WBP2: variants seen among roughly 807,000 people sequenced by gnomAD.
WBP2 encodes the protein WW domain binding protein 2, also known as WW domain-binding protein 2.
WBP2 carries 23 observed loss-of-function variants against 33.0 expected under a neutral mutation model. That is an observed-to-expected ratio of 0.70 (90% CI 0.50 to 0.99). The LOEUF is 0.99. Among genes scored for constraint, WBP2 ranks in the 50% least tolerant of loss-of-function variants. The pLI, the probability that WBP2 is intolerant of heterozygous loss-of-function variation, is 0.00. For synonymous variants in WBP2, 153 were observed against 133.5 expected, an observed-to-expected ratio of 1.15 and a Z score of -1.01; for missense variants, 353 against 358.0, an observed-to-expected ratio of 0.99 and a Z score of 0.11.
In WBP2 at chr17:75,847,223, ACCAG is replaced by A; in HGVS notation, c.656-243_656-240del. On this transcript the variant is annotated intron_variant, in intron 6 of 7. Coordinates refer to ENST00000254806, the MANE Select transcript of WBP2 (RefSeq NM_012478.4). Reference sequence around the variant, plus strand: ...AATGCCCCAGGTGCCACTGTGACCGACCAGCTGAGTGTAGATGAGAGGATCGAGA... The same window carrying A: ...AATGCCCCAGGTGCCACTGTGACCGACTGAGTGTAGATGAGAGGATCGAGA... The A allele has an allele frequency of 4.4e-6, 3 of 679,684 alleles. No individual in the cohort carries two copies. In the Admixed American group the frequency reaches 8.1e-5, roughly 18 times the overall value. 42.1% of individuals were successfully genotyped at this position (679,684 alleles called of 1,614,324 possible).
intron 1 of WBP2, chr17:75,852,736 T>C: frequency 3.1e-6 from 3 of 968,996 alleles, no homozygotes; most frequent in Non-Finnish European, 3.7e-6. Flanking sequence ...ATTACAGGCG[T>C]GAGCCACTGC....
chr17:75,855,973 A>C (rs2065056378), upstream of WBP2, among the ~76,000 whole-genome samples: 1 of 152,018 alleles, frequency 6.6e-6, no homozygotes, highest in Non-Finnish European at 1.5e-5. Context: ...CCCTCATGGG[A>C]AGGGGAGGCC....
chr17:75,852,659 G>A (rs1043208580), intron 1 of WBP2: 1 of 304,546 alleles, frequency 3.3e-6, no homozygotes, highest in Non-Finnish European at 4.8e-6. Context: ...GTTTCACCGT[G>A]TTAGCCAGGA....
intron 1 of WBP2, among the ~76,000 whole-genome samples, chr17:75,853,121 AC>A (rs1359690681): frequency 6.6e-6 from 1 of 152,130 alleles, no homozygotes; most frequent in Non-Finnish European, 1.5e-5. Context: ...ATCTCAGCTC[AC>A]TGCAACCTCC....
chr17:75,846,779 C>T lies in WBP2; in HGVS notation c.741G>A (p.Pro247=), dbSNP rs199518415. ...CCGGTGGGTAGTAGGGAGGTGGCGG[C>T]GGCTGGCTCTAAAGAAGGGAGAAAG... ...PHNVYMPTSQ[P]PPPPYYPPED... is the part of the protein sequence containing the mutation. Residue 247 remains proline (P), a synonymous_variant, in exon 8 of 8, where the codon CCG becomes CCA. Coordinates refer to ENST00000254806, the MANE Select transcript of WBP2 (RefSeq NM_012478.4). This position sits in a 1 kb window ranked among gnomAD's most constrained non-coding sequence, Gnocchi z 4.8. 1.4e-5 allele frequency: 22 copies of T among 1,552,004 alleles called. No individual in the cohort carries two copies. Among genetic ancestry groups the T allele is most frequent in the East Asian group, 2.3e-5 (1 of 43,022 alleles).
Position 75,846,732 on chromosome 17 carries a change from G to T in WBP2, c.*2C>A. 1 of 1,521,354 alleles carries T rather than the reference G, an allele frequency of 6.6e-7. No homozygotes were observed. The allele number at this position is 1,521,354 out of a possible 1,614,324, so 94.2% of individuals were successfully genotyped here. On this transcript the variant is annotated 3_prime_UTR_variant, in exon 8 of 8. Transcript: ENST00000254806. This position sits in a 1 kb window ranked among gnomAD's most constrained non-coding sequence, Gnocchi z 4.8. ...GGGTGGGAGGCAGGGAGGCAGGAGGGCCTACTGGGTCTTCTTATCTTCCGG... is the reference window on the plus strand; with the variant it reads ...GGGTGGGAGGCAGGGAGGCAGGAGGTCCTACTGGGTCTTCTTATCTTCCGG...
chr17:75,855,764 G>A (rs982688618), upstream of WBP2, among the ~76,000 whole-genome samples: 2 of 152,266 alleles, frequency 1.3e-5, no homozygotes, highest in African/African-American at 4.8e-5. Flanking sequence ...TGGACATGGC[G>A]TGGGAGCGCC....
In WBP2 at chr17:75,855,314, G is replaced by T. The variant is rs200783397; in HGVS notation, c.-17C>A. On this transcript the variant is annotated 5_prime_UTR_variant, in exon 1 of 8. Transcript: ENST00000254806. Reference sequence around the variant, plus strand: ...GAGCGCCATAGTCTCTCCAACAGGGGTCCCGAGACTCAAAACGCAATGAGC... The same window carrying T: ...GAGCGCCATAGTCTCTCCAACAGGGTTCCCGAGACTCAAAACGCAATGAGC... The T allele has an allele frequency of 4.3e-6, 7 of 1,611,062 alleles. No homozygotes were observed. The South Asian group carries it at 4.4e-5, about 10-fold the overall frequency.
intron 1 of WBP2, 80 bp downstream of exon 1, chr17:75,855,159 T>TCCC: frequency 1.0e-6 from 1 of 964,064 alleles, no homozygotes; most frequent in Non-Finnish European, 1.6e-6. Flanking sequence ...AGGGGCTTAT[T>TCCC]CCCCACCACC....
chr17:75,849,490 G>A (rs959511625), intron 3 of WBP2, 114 bp downstream of exon 3: 2 of 1,364,320 alleles, frequency 1.5e-6, no homozygotes, highest in Non-Finnish European at 2.0e-6. Flanking sequence ...GCTGGGAAGA[G>A]GTCATGGCTA....
At chr17:75,855,170 C>T in intron 1 of WBP2, 69 bp downstream of exon 1, 1 of 1,098,770 alleles carries the variant, frequency 9.1e-7, no homozygotes, top group Non-Finnish European at 1.4e-6. Flanking sequence ...CCCCACCACC[C>T]ACCACCCACC....
chr17:75,850,464 C>T (rs377025234), intron 2 of WBP2, among the ~76,000 whole-genome samples: 1 of 152,082 alleles, frequency 6.6e-6, no homozygotes, highest in African/African-American at 2.4e-5. Flanking sequence ...CCAGGATGGT[C>T]TCGATCTCCT....
chr17:75,851,699 GC>G (rs769943799), intron 1 of WBP2, 23 bp from the exon 2 acceptor site: 1 of 1,583,444 alleles, frequency 6.3e-7, no homozygotes, highest in East Asian at 2.2e-5. Flanking sequence ...AAGAGGAAAA[GC>G]CTCAATGAGA....
Position 75,855,287 on chromosome 17 carries a change from T to A in WBP2, c.11A>T (p.Asn4Ile). Residue 4 changes from asparagine (N) to isoleucine (I), a missense_variant, in exon 1 of 8, where the codon AAC becomes ATC. Physicochemically the swap from Asn to Ile is moderately radical, Grantham distance 149. Coordinates refer to ENST00000254806, the MANE Select transcript of WBP2 (RefSeq NM_012478.4). ...TCCGCCGCCCTCCGAGTGATTCTTG[T>A]TGAGCGCCATAGTCTCTCCAACAGG... Reference protein sequence around the residue: MALNKNHSEGGGVI... With the variant: MALIKNHSEGGGVI... The A allele has an allele frequency of 1.2e-6, 2 of 1,612,734 alleles. No homozygotes were observed. Among genetic ancestry groups the A allele is most frequent in the Non-Finnish European group, 1.7e-6 (2 of 1,179,934 alleles).
At chr17:75,850,233 A>ATTTTT (rs1388490142) in intron 2 of WBP2, among the ~76,000 whole-genome samples, 1 of 150,362 alleles carries the variant, frequency 6.7e-6, no homozygotes, top group Admixed American at 6.6e-5. Context: ...CTTGGGTTTT[A>ATTTTT]TTTTTTCTTT....
chr17:75,850,272 G>T (rs933840231), intron 2 of WBP2, among the ~76,000 whole-genome samples: 1 of 150,276 alleles, frequency 6.7e-6, no homozygotes, highest in African/African-American at 2.5e-5. Flanking sequence ...TTGAGATGGA[G>T]TCTTACTCTG....
At position 75,846,534 on chromosome 17, in the gene WBP2, C is replaced by T. The variant is rs547311902; in HGVS notation, c.*200G>A. The T allele has an allele frequency of 2.6e-5, 18 of 679,862 alleles. No individual in the cohort carries two copies. Among genetic ancestry groups the T allele is most frequent in the African/African-American group, 9.0e-5 (5 of 55,528 alleles). The allele number at this position is 679,862 out of a possible 1,614,324, so 42.1% of individuals were successfully genotyped here. On this transcript the variant is annotated 3_prime_UTR_variant, in exon 8 of 8. Transcript: ENST00000254806. The surrounding 1 kb of genome is among the most constrained non-coding windows in gnomAD (Gnocchi z 4.8). ...GTACGCTGGGCAGCACTGTGGGCTC[C>T]GGGCTGGCATGGGAAGCTGGGCGGC... is the stretch of plus-strand genomic sequence containing the variant.
chr17:75,855,159 T>TGCCCCCCCCC, intron 1 of WBP2, 80 bp downstream of exon 1: 6 of 964,064 alleles, frequency 6.2e-6, no homozygotes, highest in African/African-American at 2.0e-5. Flanking sequence ...AGGGGCTTAT[T>TGCCCCCCCCC]CCCCACCACC....
In WBP2 at chr17:75,855,215, A is replaced by G. The variant is rs566916022; in HGVS notation, c.59+24T>C. 3.1e-6 allele frequency: 4 copies of G among 1,280,094 alleles called. No individual in the cohort carries two copies. In the East Asian group the frequency reaches 1.3e-4, roughly 43 times the overall value. 79.3% of individuals were successfully genotyped at this position (1,280,094 alleles called of 1,614,324 possible). ...CTCGACACCCGAACTTTGGTCCTCC[A>G]GGATCCTTCCGCAGTGTTTTCACCT... On this transcript the variant is annotated intron_variant, in intron 1 of 7. Transcript: ENST00000254806.
Sources: gnomAD v4.1 joint callset for allele counts (sites outside exome capture counted in the v4.1 genomes callset) on GRCh38, gnomAD v4.1.1 for gene constraint, Gnocchi (gnomAD v3.1) non-coding constraint, MANE v1.5 for transcripts, NCBI Gene and HGNC (gene_info 2026-07-23, HGNC 2026-07-21) for gene names.